The following ZC3H12B variants were observed in gnomAD, a reference collection of about 807,000 sequenced individuals.
ZC3H12B encodes probable ribonuclease ZC3H12B.
A neutral mutation model predicts 43.9 loss-of-function variants in ZC3H12B; 7 were observed. The observed-to-expected ratio is 0.16, with a 90% CI of 0.09 to 0.30. ZC3H12B has a LOEUF of 0.30. Ranked by LOEUF, ZC3H12B falls within the 10% of genes least tolerant of loss-of-function variation. The probability of loss-of-function intolerance (pLI) is 1.00; values close to 1 mark genes in which losing one functional copy is unlikely to be tolerated. For synonymous variants in ZC3H12B, 222 were observed against 241.7 expected, an observed-to-expected ratio of 0.92 and a Z score of 0.76; for missense variants, 475 against 670.2, an observed-to-expected ratio of 0.71 and a Z score of 3.22.
the ZC3H12B span, among the ~76,000 whole-genome samples, chrX:65,279,748 G>A: frequency 8.9e-6 from 1 of 111,985 alleles, no homozygotes. Flanking sequence ...AAGACCTTCT[G>A]CACAGCAAAA....
At chrX:65,097,619 A>G in the ZC3H12B span, among the ~76,000 whole-genome samples, 2 of 111,908 alleles carry the variant, frequency 1.8e-5, no homozygotes, top group Admixed American at 1.9e-4. Flanking sequence ...CTCTCTCCTC[A>G]TATATCATAA....
the ZC3H12B span, among the ~76,000 whole-genome samples, chrX:65,105,924 C>T: frequency 9.0e-6 from 1 of 111,586 alleles, no homozygotes; most frequent in African/African-American, 3.3e-5. Flanking sequence ...GAGAAGAGCT[C>T]TTGGAACTGA....
At chrX:65,066,454 G>A in the ZC3H12B span, among the ~76,000 whole-genome samples, 187 of 111,657 alleles carry the variant, frequency 1.7e-3, 2 homozygotes, top group African/African-American at 5.8e-3. Context: ...CTGTTTCCCT[G>A]GGTATCACCA....
At chrX:65,148,518 G>T in the ZC3H12B span, among the ~76,000 whole-genome samples, 1 of 111,021 alleles carries the variant, frequency 9.0e-6, no homozygotes, top group East Asian at 2.8e-4. Flanking sequence ...GGGCTTGGAG[G>T]CTCAGTATAT....
At chrX:65,072,807 G>A in the ZC3H12B span, among the ~76,000 whole-genome samples, 1 of 112,212 alleles carries the variant, frequency 8.9e-6, no homozygotes, top group Non-Finnish European at 1.9e-5. Context: ...GTGCCAGGGT[G>A]CAGGCCTCCA....
At chrX:65,357,227 A>C in the ZC3H12B span, 1 of 382,017 alleles carries the variant, frequency 2.6e-6, no homozygotes, top group Non-Finnish European at 4.8e-6. Flanking sequence ...TTTCATGAGA[A>C]TATCCAGGCA....
At chrX:65,199,200 G>A in the ZC3H12B span, among the ~76,000 whole-genome samples, 1 of 107,360 alleles carries the variant, frequency 9.3e-6, no homozygotes, top group Non-Finnish European at 1.9e-5. Flanking sequence ...TCCTCTGACT[G>A]TGTATTTTCA....
At chrX:65,135,750 C>CTTT in the ZC3H12B span, among the ~76,000 whole-genome samples, 53 of 69,856 alleles carry the variant, frequency 7.6e-4, no homozygotes, top group African/African-American at 2.9e-3. Flanking sequence ...TGTTTGTTTT[C>CTTT]TTTTTTTTTT....
rs748450581 is a variant in ZC3H12B at position 65,412,099 on chromosome X, T to A, written n.407+13395T>A. On this transcript the variant is annotated intron_variant and non_coding_transcript_variant, in intron 3 of 5. Coordinates refer to the ZC3H12B transcript ENST00000617377. ...TTCTATTCCCTTCATAAAACATTTTTATCACTCTAAAGTAAAACCCTTTAC... is the reference window on the plus strand; with the variant it reads ...TTCTATTCCCTTCATAAAACATTTTAATCACTCTAAAGTAAAACCCTTTAC... Among the ~76,000 whole-genome samples, 33 of 111,373 alleles carry A rather than the reference T, an allele frequency of 3.0e-4. 2 individuals carry two copies. The highest frequency in any genetic ancestry group is 4.3e-4 in the Non-Finnish European group (23 of 53,000).
At chrX:65,154,906 T>C in the ZC3H12B span, among the ~76,000 whole-genome samples, 3 of 110,817 alleles carry the variant, frequency 2.7e-5, no homozygotes, top group African/African-American at 9.8e-5. Flanking sequence ...GCTTGTAGGG[T>C]TTTTAAATGG....
At chrX:65,239,810 T>A in the ZC3H12B span, among the ~76,000 whole-genome samples, 1 of 112,135 alleles carries the variant, frequency 8.9e-6, no homozygotes, top group Non-Finnish European at 1.9e-5. Flanking sequence ...CTTCAAGGGA[T>A]CTTATTTCTC....
In ZC3H12B at chrX:65,373,952, T is replaced by G. The variant is rs1220996587; in HGVS notation, n.295+4954T>G. On this transcript the variant is annotated intron_variant and non_coding_transcript_variant, in intron 2 of 5. Coordinates refer to the ZC3H12B transcript ENST00000617377. Reference sequence around the variant, plus strand: ...TATATAGTATATATATATAGTTATATATATATACTGTATATATAGTATATA... The same window carrying G: ...TATATAGTATATATATATAGTTATAGATATATACTGTATATATAGTATATA... 1.8e-3 allele frequency among the ~76,000 whole-genome samples: 101 copies of G among 56,625 alleles called. 1 individual carries two copies. The highest frequency in any genetic ancestry group is 2.2e-3 in the Non-Finnish European group (83 of 38,103). The allele number at this position is 56,625 out of a possible 115,157, so 49.2% of individuals were successfully genotyped here. A position where few individuals can be genotyped will look rare whatever the true frequency, so the allele number is the denominator to read the frequency against.
chrX:65,255,431 T>C, the ZC3H12B span, among the ~76,000 whole-genome samples: 2 of 111,943 alleles, frequency 1.8e-5, no homozygotes, highest in South Asian at 3.7e-4. Context: ...ATTCATATCC[T>C]GCCAGACTAA....
At chrX:65,365,472 C>T (rs1331770159), upstream of ZC3H12B, among the ~76,000 whole-genome samples, 1 of 110,722 alleles carries the variant, frequency 9.0e-6, no homozygotes, top group Non-Finnish European at 1.9e-5. Flanking sequence ...ACAATATCAC[C>T]CCTTACCACG....
At chrX:65,201,036 G>A in the ZC3H12B span, among the ~76,000 whole-genome samples, 2 of 111,832 alleles carry the variant, frequency 1.8e-5, no homozygotes, top group African/African-American at 3.3e-5. Flanking sequence ...TTTGGTATCA[G>A]GATGATCCTG....
At chrX:65,387,294 T>C (rs1291797018) in intron 2 of ZC3H12B, among the ~76,000 whole-genome samples, 1 of 111,593 alleles carries the variant, frequency 9.0e-6, no homozygotes, top group Non-Finnish European at 1.9e-5. Flanking sequence ...TTTCTAGGTA[T>C]CTAAGGACTG....
the ZC3H12B span, among the ~76,000 whole-genome samples, chrX:65,049,304 G>A: frequency 9.0e-6 from 1 of 111,439 alleles, no homozygotes; most frequent in South Asian, 3.7e-4. Flanking sequence ...ATAGTTTCAG[G>A]TATTACAGTT....
the ZC3H12B span, among the ~76,000 whole-genome samples, chrX:65,353,133 C>G: frequency 1.8e-5 from 2 of 111,499 alleles, no homozygotes; most frequent in East Asian, 5.6e-4. Flanking sequence ...GCTCAGATTA[C>G]AGACATGATC....
chrX:65,241,820 T>C, the ZC3H12B span, among the ~76,000 whole-genome samples: 4 of 111,772 alleles, frequency 3.6e-5, no homozygotes, highest in Non-Finnish European at 5.6e-5. Context: ...AAAACAACAC[T>C]GCTTGGCTCC....
Sources: gnomAD v4.1 joint callset for allele counts (sites outside exome capture counted in the v4.1 genomes callset) on GRCh38, gnomAD v4.1.1 for gene constraint, MANE v1.5 for transcripts, NCBI Gene and HGNC (gene_info 2026-07-23, HGNC 2026-07-21) for gene names.